Variants in GSTM4 observed in about 807,000 individuals in gnomAD.
GSTM4 encodes GST class-mu 4.
A neutral mutation model predicts 30.1 loss-of-function variants in GSTM4; 27 were observed. The ratio of observed to expected loss-of-function variants is 0.90; its 90% CI spans 0.66 to 1.24. GSTM4 has a LOEUF of 1.24. Among genes scored for constraint, GSTM4 ranks in the 50% most tolerant of loss-of-function variants. The pLI is 0.00. For missense variants in GSTM4, 238 were observed against 272.1 expected (o/e 0.87, Z 0.88); for synonymous variants, 94 against 96.2 (o/e 0.98, Z 0.13).
chr1:109,657,070 C>T, intron 2 of GSTM4, 145 bp from the exon 3 acceptor site: 1 of 860,082 alleles, frequency 1.2e-6, no homozygotes, highest in Non-Finnish European at 1.9e-6. Context: ...ATTCTTTGTC[C>T]CTGAACCCTG....
At chr1:109,657,040 G>A (rs552204092) in intron 2 of GSTM4, 175 bp from the exon 3 acceptor site, 1 of 804,276 alleles carries the variant, frequency 1.2e-6, no homozygotes, top group African/African-American at 1.7e-5. Flanking sequence ...AGCCGTGTGG[G>A]GTCCAGAGCC....
rs764161736 is a variant in GSTM4, at chr1:109,656,784, G to A, written c.109G>A (p.Asp37Asn). 2 of 1,613,532 alleles carry A rather than the reference G, an allele frequency of 1.2e-6. No individual in the cohort carries two copies. Among genetic ancestry groups the A allele is most frequent in the Non-Finnish European group, 1.7e-6 (2 of 1,179,434 alleles). Residue 37 changes from aspartate to asparagine, a missense_variant, in exon 2 of 8, where the codon GAC (aspartate) becomes AAC (asparagine). By Grantham distance (23) the Asp-to-Asn change is conservative. Coordinates refer to ENST00000369836, the MANE Select transcript of GSTM4 (RefSeq NM_000850.5). ...CGAGGAAAAGAAGTATACGATGGGG[G>A]ACGGTAATGACACCCTTGTGTCCGG... is the stretch of plus-strand genomic sequence containing the variant. ...SYEEKKYTMGDAPDYDRSQWL... is the reference protein window; with the variant it reads ...SYEEKKYTMGNAPDYDRSQWL...
At chr1:109,657,716 C>T (rs369298834) in intron 4 of GSTM4, 45 bp downstream of exon 4, 1 of 1,614,026 alleles carries the variant, frequency 6.2e-7, no homozygotes, top group Non-Finnish European at 8.5e-7. Context: ...GTGGCATCCT[C>T]CTTGGCTGGA....
At chr1:109,658,976 C>G (rs767356327) in intron 6 of GSTM4, 24 bp from the exon 7 acceptor site, 1 of 1,613,360 alleles carries the variant, frequency 6.2e-7, no homozygotes, top group East Asian at 2.2e-5. Flanking sequence ...AGATTCCAGC[C>G]CACACATTCT....
At chr1:109,656,550 CTG>C (rs57680849) in intron 1 of GSTM4, 125 bp downstream of exon 1, 41,530 of 526,850 alleles carry the variant, frequency 0.079, 387 homozygotes, top group African/African-American at 0.094. Context: ...CTGTGCATGC[CTG>C]TGTGTGTGTG....
chr1:109,665,096 T>C, downstream of GSTM4: 1 of 974,792 alleles, frequency 1.0e-6, no homozygotes, highest in Non-Finnish European at 1.7e-6. Flanking sequence ...AAAATCATTG[T>C]GCTTGTGAGG....
downstream of GSTM4, among the ~76,000 whole-genome samples, chr1:109,666,354 C>T (rs1647323122): frequency 1.3e-5 from 2 of 152,218 alleles, 1 homozygote; most frequent in South Asian, 4.1e-4. Context: ...TAGCCTTGCC[C>T]CAGCAGCTCT....
chr1:109,661,498 C>A lies in GSTM4; in HGVS notation c.*244C>A. 1 of 1,371,660 alleles carries A rather than the reference C, an allele frequency of 7.3e-7. No individual in the cohort carries two copies. Among genetic ancestry groups the A allele is most frequent in the Admixed American group, 3.1e-5 (1 of 32,570 alleles). 85.0% of individuals were successfully genotyped at this position (1,371,660 alleles called of 1,614,324 possible). ...TGAACATCCCCCTCCCAACACTACC[C>A]TTCCCTGCACTAAAGCCAGCCTGAC... On this transcript the variant is annotated 3_prime_UTR_variant, in exon 8 of 8. Coordinates refer to ENST00000369836, the MANE Select transcript of GSTM4 (RefSeq NM_000850.5).
chr1:109,661,451 C>G lies in GSTM4; in HGVS notation c.*197C>G. 7.0e-7 allele frequency: 1 copy of G among 1,432,206 alleles called. No homozygotes were observed. Among genetic ancestry groups the G allele is most frequent in the Non-Finnish European group, 9.2e-7 (1 of 1,088,908 alleles). 88.7% of individuals were successfully genotyped at this position (1,432,206 alleles called of 1,614,324 possible). A position where few individuals can be genotyped will look rare whatever the true frequency, so the allele number is the denominator to read the frequency against. On this transcript the variant is annotated 3_prime_UTR_variant, in exon 8 of 8. Transcript: ENST00000369836. ...CTGTCCCATGCAGGCCCTTTGAAGC[C>G]TCAGCTACCCACTTTCCTTCATGAA... is the stretch of plus-strand genomic sequence containing the variant.
chr1:109,665,569 G>GACA (rs747986800), downstream of GSTM4: 3 of 152,346 alleles, frequency 2.0e-5, no homozygotes, highest in South Asian at 6.2e-4. Flanking sequence ...AAACAACAAC[G>GACA]ACAACAACAA....
At chr1:109,658,180 C>G in intron 5 of GSTM4, 1 of 411,296 alleles carries the variant, frequency 2.4e-6, no homozygotes, top group South Asian at 2.6e-5. Flanking sequence ...TGCCATCTGC[C>G]TGTTCGGGGA....
chr1:109,657,428 C>T, intron 3 of GSTM4, 149 bp downstream of exon 3: 2 of 1,421,588 alleles, frequency 1.4e-6, no homozygotes, highest in Non-Finnish European at 2.0e-6. Context: ...GCATGATGTT[C>T]TGTGTCCCAG....
chr1:109,656,660 C>CCAAGT, intron 1 of GSTM4, 52 bp from the exon 2 acceptor site: 1 of 1,579,152 alleles, frequency 6.3e-7, no homozygotes, highest in Non-Finnish European at 8.7e-7. Flanking sequence ...GAGAAAGTCA[C>CCAAGT]CAAGTCAGGG....
In GSTM4 at chr1:109,661,154, C is replaced by G; in HGVS notation, c.568-11C>G. The stretch of plus-strand genomic sequence containing the variant: ...GACCTTGAGTTCTGGCCTTATTTTC[C>G]CCCCTCTCAGGGCTTGGAGAAGATC... On this transcript the variant is annotated splice_polypyrimidine_tract_variant and intron_variant, in intron 7 of 7. Coordinates refer to ENST00000369836, the MANE Select transcript of GSTM4 (RefSeq NM_000850.5). 6.2e-7 allele frequency: 1 copy of G among 1,612,868 alleles called. No individual in the cohort carries two copies. Among genetic ancestry groups the G allele is most frequent in the Non-Finnish European group, 8.5e-7 (1 of 1,179,564 alleles).
At chr1:109,657,739 G>T (rs750920323) in intron 4 of GSTM4, 33 bp from the exon 5 acceptor site, 10 of 1,614,060 alleles carry the variant, frequency 6.2e-6, no homozygotes, top group Non-Finnish European at 7.6e-6. Context: ...GGGGTGCTAT[G>T]CTCAGAGTGA....
rs1179813875 is a variant in GSTM4 at position 109,661,623 on chromosome 1, T to C, written c.*369T>C. 3 of 1,197,704 alleles carry C rather than the reference T, an allele frequency of 2.5e-6. No homozygotes were observed. The highest frequency in any genetic ancestry group is 8.1e-5 in the Admixed American group (2 of 24,540). The allele number at this position is 1,197,704 out of a possible 1,614,324, so 74.2% of individuals were successfully genotyped here. ...CTGTCCCCGTGTTGCATGACAGCAT[T>C]GACTGGTTTACAGGCCCTGCTCCTG... On this transcript the variant is annotated 3_prime_UTR_variant, in exon 8 of 8. Transcript: ENST00000369836.
intron 3 of GSTM4, 44 bp from the exon 4 acceptor site, chr1:109,657,546 G>A: frequency 6.2e-7 from 1 of 1,613,824 alleles, no homozygotes; most frequent in Non-Finnish European, 8.5e-7. Flanking sequence ...ATGCTGGGGA[G>A]CCTGCTGGCC....
In GSTM4 at chr1:109,661,614, T is replaced by C. The variant is rs531784587; in HGVS notation, c.*360T>C. On this transcript the variant is annotated 3_prime_UTR_variant, in exon 8 of 8. Coordinates refer to ENST00000369836, the MANE Select transcript of GSTM4 (RefSeq NM_000850.5). ...AGCCCTGAGCTGTCCCCGTGTTGCA[T>C]GACAGCATTGACTGGTTTACAGGCC... 1.4e-5 allele frequency: 17 copies of C among 1,210,500 alleles called. No individual in the cohort carries two copies. The East Asian group carries it at 3.9e-4, about 28-fold the overall frequency. The allele number at this position is 1,210,500 out of a possible 1,614,324, so 75.0% of individuals were successfully genotyped here. A position where few individuals can be genotyped will look rare whatever the true frequency, so the allele number is the denominator to read the frequency against.
Position 109,659,006 on chromosome 1 carries a change from T to A in GSTM4, c.463T>A (p.Phe155Ile), listed in dbSNP as rs1652170213. The A allele has an allele frequency of 6.2e-7, 1 of 1,614,090 alleles. No individual in the cohort carries two copies. The highest frequency in any genetic ancestry group is 1.7e-5 in the Admixed American group (1 of 60,004). ...CATTCTTGGCCTTCTGCAGATCACC[T>A]TTGTAGATTTCCTCGCCTATGATGT... ...RPWFVGDKIT[F>I]VDFLAYDVLD... Residue 155 changes from phenylalanine (F) to isoleucine (I), a missense_variant, in exon 7 of 8, where the codon TTT becomes ATT. Transcript: ENST00000369836.
Sources: gnomAD v4.1 joint callset for allele counts (sites outside exome capture counted in the v4.1 genomes callset) on GRCh38, gnomAD v4.1.1 for gene constraint, MANE v1.5 for transcripts, NCBI Gene and HGNC (gene_info 2026-07-23, HGNC 2026-07-21) for gene names.